IFIH1: variants seen among roughly 807,000 people sequenced by gnomAD.
IFIH1 encodes the protein interferon-induced helicase C domain-containing protein 1.
In IFIH1, 125 loss-of-function variants were observed where a neutral mutation model predicts 107.4. The ratio of observed to expected loss-of-function variants is 1.16; its 90% confidence interval spans 1.01 to 1.35. The LOEUF is 1.35. IFIH1 is among the 40% of genes most tolerant of loss of function. The pLI is 0.00. For missense variants in IFIH1, 1,333 were observed against 1,213.7 expected (o/e 1.10, Z -1.46); for synonymous variants, 458 against 413.2 (o/e 1.11, Z -1.31).
At chr2:162,315,934 C>A (rs570867754) in intron 1 of IFIH1, among the ~76,000 whole-genome samples, 1 of 152,296 alleles carries the variant, frequency 6.6e-6, no homozygotes, top group South Asian at 2.1e-4. Flanking sequence ...GCTGCTCAGT[C>A]TTTTGGGGCC....
At chr2:162,277,793 T>C (rs1340365351) in intron 9 of IFIH1, 100 bp from the exon 10 acceptor site, 1 of 1,398,160 alleles carries the variant, frequency 7.2e-7, no homozygotes, top group Non-Finnish European at 9.5e-7. Context: ...AAAACTGGCT[T>C]CACCTTGGTT....
intron 3 of IFIH1, among the ~76,000 whole-genome samples, chr2:162,295,863 A>G (rs1008402509): frequency 6.6e-6 from 1 of 152,010 alleles, no homozygotes; most frequent in Non-Finnish European, 1.5e-5. Context: ...GGAAAAGGCA[A>G]GGTGTAAAAT....
At chr2:162,306,516 A>AT (rs1683282569) in intron 3 of IFIH1, among the ~76,000 whole-genome samples, 193 bp downstream of exon 3, 1 of 152,208 alleles carries the variant, frequency 6.6e-6, no homozygotes, top group African/African-American at 2.4e-5. Context: ...TAACACATCG[A>AT]TATTGGATTA....
chr2:162,277,006 A>G, intron 10 of IFIH1, 60 bp from the exon 11 acceptor site: 1 of 1,240,532 alleles, frequency 8.1e-7, no homozygotes, highest in Non-Finnish European at 1.1e-6. Context: ...TCCACAATGT[A>G]CAGATATATC....
At chr2:162,317,771 A>G in intron 1 of IFIH1, 84 bp downstream of exon 1, 3 of 1,096,478 alleles carry the variant, frequency 2.7e-6, no homozygotes, top group Non-Finnish European at 3.9e-6. Context: ...GAGGTCAAGC[A>G]CATTTGGAAA....
intron 8 of IFIH1, among the ~76,000 whole-genome samples, chr2:162,279,283 T>A: frequency 6.6e-6 from 1 of 152,096 alleles, no homozygotes; most frequent in Admixed American, 6.6e-5. Flanking sequence ...GTTTAGTGCC[T>A]ACTATATTTC....
In IFIH1 at chr2:162,267,230, T is replaced by C. The variant is rs749018506; in HGVS notation, c.3048A>G (p.Ser1016=). 4.4e-6 allele frequency: 7 copies of C among 1,601,390 alleles called. No individual in the cohort carries two copies. The South Asian group carries it at 5.7e-5, about 13-fold the overall frequency. ...LPITFPNLDY[S]ECCLFSDED ...CCTCATCACTAAATAAACAGCATTCTGAATAGTCAAGATTGGGAAATGTGA... is the reference window on the plus strand; with the variant it reads ...CCTCATCACTAAATAAACAGCATTCCGAATAGTCAAGATTGGGAAATGTGA... Residue 1016 remains serine (S), a synonymous_variant, in exon 16 of 16, where the codon TCA becomes TCG. Transcript: ENST00000649979.
intron 2 of IFIH1, among the ~76,000 whole-genome samples, chr2:162,308,752 T>C (rs921630154): frequency 1.3e-5 from 2 of 152,086 alleles, no homozygotes; most frequent in Non-Finnish European, 2.9e-5. Flanking sequence ...AACATATGAG[T>C]ATTAGGAGGA....
chr2:162,277,004 G>A (rs1682684970), intron 10 of IFIH1, 58 bp from the exon 11 acceptor site: 1 of 1,253,302 alleles, frequency 8.0e-7, no homozygotes, highest in Non-Finnish European at 1.1e-6. Flanking sequence ...ACTCCACAAT[G>A]TACAGATATA....
intron 5 of IFIH1, 133 bp downstream of exon 5, chr2:162,288,002 A>G: frequency 1.6e-6 from 1 of 621,130 alleles, no homozygotes; most frequent in South Asian, 2.1e-5. Context: ...TAAAGATAAA[A>G]TAAAGAGCTT....
At position 162,289,549 on chromosome 2, in the gene IFIH1, T is replaced by C. The variant is rs1682960665; in HGVS notation, c.875-1194A>G. On this transcript the variant is annotated intron_variant, in intron 4 of 15. Transcript: ENST00000649979. ...AAATAACTTCTTTTTCTTATCAATG[T>C]TTGCAATAAAACTAAACTAACATAA... Among the ~76,000 whole-genome samples the C allele has an allele frequency of 2.0e-5, 3 of 151,912 alleles. No individual in the cohort carries two copies. The South Asian group carries it at 6.2e-4, about 31-fold the overall frequency.
chr2:162,269,191 C>G (rs539355662), intron 13 of IFIH1, among the ~76,000 whole-genome samples: 24 of 152,148 alleles, frequency 1.6e-4, no homozygotes, highest in Non-Finnish European at 3.2e-4. Context: ...TCCAAACCAG[C>G]AGTCAATGAC....
chr2:162,281,859 A>G (rs1301375087), intron 6 of IFIH1, among the ~76,000 whole-genome samples: 3 of 151,998 alleles, frequency 2.0e-5, no homozygotes, highest in Admixed American at 2.0e-4. Flanking sequence ...AAATCTCAGG[A>G]TTTTACTTTT....
intron 11 of IFIH1, 108 bp downstream of exon 11, chr2:162,276,575 AGCCT>A: frequency 8.5e-7 from 1 of 1,181,706 alleles, no homozygotes; most frequent in Non-Finnish European, 1.2e-6. Context: ...ACTGCTCTTC[AGCCT>A]GAGTGACAGA....
chr2:162,278,171 G>GTATAACATGTTAGGT, intron 9 of IFIH1, 34 bp downstream of exon 9: 2 of 1,571,544 alleles, frequency 1.3e-6, no homozygotes, highest in Admixed American at 3.8e-5. Context: ...ATAAACATGG[G>GTATAACATGTTAGGT]ATAAACTAAG....
chr2:162,310,773 C>T lies in IFIH1; in HGVS notation c.614G>A (p.Ser205Asn), dbSNP rs1356633302. 37 of 1,613,302 alleles carry T rather than the reference C, an allele frequency of 2.3e-5. No homozygotes were observed. The highest frequency in any genetic ancestry group is 3.1e-5 in the Non-Finnish European group (36 of 1,179,576). The change falls in exon 2 of 16, where the codon AGC (serine) becomes AAC (asparagine). Residue 205 changes from serine to asparagine, a missense_variant. Physicochemically the swap from Ser to Asn is conservative, Grantham distance 46. Coordinates refer to ENST00000649979, the MANE Select transcript of IFIH1 (RefSeq NM_022168.4). ...AGTAAAATTACAAATACCTGCATTG[C>T]TTTCTGAGCAATCAGAGCCTGTTAA... is the stretch of plus-strand genomic sequence containing the variant. The part of the protein sequence containing the change: ...QELTGSDCSE[S>N]NAEIENLSQV...
At chr2:162,302,738 A>C (rs995814239) in intron 3 of IFIH1, among the ~76,000 whole-genome samples, 20 of 152,220 alleles carry the variant, frequency 1.3e-4, no homozygotes, top group Non-Finnish European at 1.0e-4. Context: ...CAAGGAAACA[A>C]ACAGATACCT....
chr2:162,312,124 T>A (rs1380419741), intron 1 of IFIH1, among the ~76,000 whole-genome samples: 1 of 152,224 alleles, frequency 6.6e-6, no homozygotes, highest in Non-Finnish European at 1.5e-5. Flanking sequence ...AATTTATGTA[T>A]TTTCTAGTTC....
rs1683443209 is a variant in IFIH1, at chr2:162,314,421, TTTCTTTCTTTCTTTC to T, written c.453+3419_453+3433del. ...CTCCTTTCTTTCTTTCTTTCTTTTC[TTTCTTTCTTTCTTTC>T]TTTCTTTCTTTCTTTCTTTCTTTCT... On this transcript the variant is annotated intron_variant, in intron 1 of 15. Coordinates refer to ENST00000649979, the MANE Select transcript of IFIH1 (RefSeq NM_022168.4). Among the ~76,000 whole-genome samples, 2 of 73,180 alleles carry T rather than the reference TTTCTTTCTTTCTTTC, an allele frequency of 2.7e-5. 1 individual carries two copies. Among genetic ancestry groups the T allele is most frequent in the African/African-American group, 1.7e-4 (2 of 11,850 alleles). 48.0% of individuals were successfully genotyped at this position (73,180 alleles called of 152,430 possible). A position where few individuals can be genotyped will look rare whatever the true frequency, so the allele number is the denominator to read the frequency against.
Sources: gnomAD v4.1 joint callset for allele counts (sites outside exome capture counted in the v4.1 genomes callset) on GRCh38, gnomAD v4.1.1 for gene constraint, MANE v1.5 for transcripts, NCBI Gene and HGNC (gene_info 2026-07-23, HGNC 2026-07-21) for gene names.